Variants in SYNJ2BP observed in about 807,000 individuals in gnomAD.
SYNJ2BP encodes the protein synaptojanin-2-binding protein.
SYNJ2BP carries 10 observed loss-of-function variants against 16.9 expected under a neutral mutation model. The observed-to-expected ratio is 0.59, with a 90% confidence interval of 0.36 to 1.00. The LOEUF is 1.00. Ranked by LOEUF, SYNJ2BP falls within the 50% of genes least tolerant of loss-of-function variation. The probability of loss-of-function intolerance (pLI) is 0.01; values close to 1 mark genes in which losing one functional copy is unlikely to be tolerated. For missense variants in SYNJ2BP, 162 were observed against 186.7 expected (o/e 0.87, Z 0.77); for synonymous variants, 54 against 68.4 (o/e 0.79, Z 1.04).
At chr14:70,416,189 G>A (rs1196846872) in intron 1 of SYNJ2BP, among the ~76,000 whole-genome samples, 1 of 152,122 alleles carries the variant, frequency 6.6e-6, no homozygotes, top group Non-Finnish European at 1.5e-5. Context: ...CACAGTGGGG[G>A]AAGAGGATAG....
Position 70,413,069 on chromosome 14 carries a change from C to T in SYNJ2BP, c.64+3831G>A, listed in dbSNP as rs149957803. ...AGGTAAACTGTTCAACCCTTGAAGACATTTGAGATTGTAGCCACTGCCTTT... is the reference window on the plus strand; with the variant it reads ...AGGTAAACTGTTCAACCCTTGAAGATATTTGAGATTGTAGCCACTGCCTTT... On this transcript the variant is annotated intron_variant, in intron 1 of 3. Transcript: ENST00000256366. Among the ~76,000 whole-genome samples the T allele has an allele frequency of 8.1e-4, 124 of 152,304 alleles. 1 individual carries two copies. Among genetic ancestry groups the T allele is most frequent in the African/African-American group, 2.9e-3 (120 of 41,576 alleles).
Position 70,372,849 on chromosome 14 carries a change from A to T in SYNJ2BP, c.*142T>A. On this transcript the variant is annotated 3_prime_UTR_variant, in exon 4 of 4. Coordinates refer to ENST00000256366, the MANE Select transcript of SYNJ2BP (RefSeq NM_018373.3). ...CCCATTAGAATATGAAGAATTGGAGACTGTGAACAGCAAGGTTTGGGGTGG... is the reference window on the plus strand; with the variant it reads ...CCCATTAGAATATGAAGAATTGGAGTCTGTGAACAGCAAGGTTTGGGGTGG... 3 of 1,217,912 alleles carry T rather than the reference A, an allele frequency of 2.5e-6. No individual in the cohort carries two copies. The South Asian group carries it at 4.4e-5, about 18-fold the overall frequency. The allele number at this position is 1,217,912 out of a possible 1,614,324, so 75.4% of individuals were successfully genotyped here.
chr14:70,383,227 C>T (rs1188999689), intron 2 of SYNJ2BP, among the ~76,000 whole-genome samples: 1 of 152,172 alleles, frequency 6.6e-6, no homozygotes, highest in Non-Finnish European at 1.5e-5. Flanking sequence ...GGCAAAGATC[C>T]TTCCCTGGAG....
At chr14:70,411,771 G>C (rs1005352527) in intron 1 of SYNJ2BP, among the ~76,000 whole-genome samples, 2 of 152,082 alleles carry the variant, frequency 1.3e-5, no homozygotes, top group Admixed American at 6.5e-5. Context: ...CCCAACACAG[G>C]GTCAGATTAC....
Position 70,370,663 on chromosome 14 carries a change from T to C in SYNJ2BP, c.*2328A>G, listed in dbSNP as rs1887499942. 6.6e-6 allele frequency: 1 copy of C among 152,196 alleles called. No homozygotes were observed. Among genetic ancestry groups the C allele is most frequent in the Non-Finnish European group, 1.5e-5 (1 of 68,034 alleles). 9.4% of individuals were successfully genotyped at this position (152,196 alleles called of 1,614,324 possible). A position where few individuals can be genotyped will look rare whatever the true frequency, so the allele number is the denominator to read the frequency against. On this transcript the variant is annotated 3_prime_UTR_variant, in exon 4 of 4. Coordinates refer to ENST00000256366, the MANE Select transcript of SYNJ2BP (RefSeq NM_018373.3). ...AAAGAAAATGTGATGATTACCTGCA[T>C]ATCTTCTTTGTTGCTGCATCGTGTT...
chr14:70,399,588 G>A (rs762834227), intron 1 of SYNJ2BP, among the ~76,000 whole-genome samples: 1 of 150,752 alleles, frequency 6.6e-6, no homozygotes, highest in Non-Finnish European at 1.5e-5. Flanking sequence ...CACTGCCATT[G>A]CTGCTCCCGC....
chr14:70,381,391 C>CT (rs1485712318), intron 2 of SYNJ2BP, among the ~76,000 whole-genome samples: 1 of 152,212 alleles, frequency 6.6e-6, no homozygotes, highest in Non-Finnish European at 1.5e-5. Flanking sequence ...ATAATTCTTT[C>CT]TTAAAGAACC....
intron 2 of SYNJ2BP, among the ~76,000 whole-genome samples, chr14:70,386,023 C>T (rs1250230311): frequency 4.6e-5 from 7 of 152,284 alleles, no homozygotes; most frequent in African/African-American, 1.4e-4. Context: ...CAATAATCTA[C>T]GTTTAACCAA....
At chr14:70,400,034 A>G (rs138803461) in intron 1 of SYNJ2BP, among the ~76,000 whole-genome samples, 2 of 152,366 alleles carry the variant, frequency 1.3e-5, no homozygotes, top group East Asian at 3.9e-4. Flanking sequence ...TCTGAAATAC[A>G]AAACAAATGA....
chr14:70,389,927 G>C (rs1334736475), intron 1 of SYNJ2BP, among the ~76,000 whole-genome samples: 1 of 152,178 alleles, frequency 6.6e-6, no homozygotes, highest in African/African-American at 2.4e-5. Context: ...TTTTAGTTAT[G>C]CAAGATGAAT....
rs78747844 is a variant in SYNJ2BP at position 70,389,668 on chromosome 14, A to G, written c.65-1062T>C. 9.8e-4 allele frequency among the ~76,000 whole-genome samples: 150 copies of G among 152,358 alleles called. 1 individual carries two copies. Among genetic ancestry groups the G allele is most frequent in the South Asian group, 8.5e-3 (41 of 4,828 alleles). ...AAAATCTGAAATCTGCAATGCTTCA[A>G]TGAGCATTTCCTTTGAACGTCATGT... On this transcript the variant is annotated intron_variant, in intron 1 of 3. Coordinates refer to ENST00000256366, the MANE Select transcript of SYNJ2BP (RefSeq NM_018373.3).
chr14:70,394,996 T>G (rs955621272), intron 1 of SYNJ2BP, among the ~76,000 whole-genome samples: 9 of 152,218 alleles, frequency 5.9e-5, no homozygotes, highest in Admixed American at 5.9e-4. Flanking sequence ...AATACATCTT[T>G]GCAGAAAATA....
At chr14:70,414,003 T>C (rs1888547686) in intron 1 of SYNJ2BP, among the ~76,000 whole-genome samples, 1 of 152,222 alleles carries the variant, frequency 6.6e-6, no homozygotes, top group African/African-American at 2.4e-5. Context: ...AAGATCCTTA[T>C]GGGACCATCA....
intron 1 of SYNJ2BP, among the ~76,000 whole-genome samples, chr14:70,395,231 A>T (rs1302021123): frequency 6.6e-6 from 1 of 152,258 alleles, no homozygotes; most frequent in African/African-American, 2.4e-5. Context: ...CCTTCATTTC[A>T]TTCAGATTCT....
intron 1 of SYNJ2BP, among the ~76,000 whole-genome samples, chr14:70,408,136 T>G (rs1888388499): frequency 6.6e-6 from 1 of 151,676 alleles, no homozygotes; most frequent in African/African-American, 2.4e-5. Context: ...GGAAGGACTA[T>G]TGCAGTAATA....
At chr14:70,391,596 C>A (rs551300973) in intron 1 of SYNJ2BP, among the ~76,000 whole-genome samples, 3 of 152,336 alleles carry the variant, frequency 2.0e-5, no homozygotes, top group Admixed American at 6.5e-5. Context: ...TGAAATCCAA[C>A]ACCCTCATCA....
intron 2 of SYNJ2BP, among the ~76,000 whole-genome samples, chr14:70,380,058 T>C (rs1169219179): frequency 3.2e-4 from 48 of 152,224 alleles, no homozygotes. Flanking sequence ...ATCTTACATG[T>C]ATTAACTCAT....
chr14:70,379,835 A>G (rs1456859862), intron 2 of SYNJ2BP, among the ~76,000 whole-genome samples: 8 of 152,232 alleles, frequency 5.3e-5, no homozygotes, highest in Admixed American at 5.2e-4. Context: ...GAGGCAGACA[A>G]GTAAGTTAAT....
intron 1 of SYNJ2BP, among the ~76,000 whole-genome samples, chr14:70,409,214 T>C (rs1888416712): frequency 1.3e-5 from 2 of 152,194 alleles, no homozygotes; most frequent in Non-Finnish European, 2.9e-5. Flanking sequence ...AATGCCTGGC[T>C]TGAACTGCAA....
Sources: gnomAD v4.1 joint callset for allele counts (sites outside exome capture counted in the v4.1 genomes callset) on GRCh38, gnomAD v4.1.1 for gene constraint, MANE v1.5 for transcripts, NCBI Gene and HGNC (gene_info 2026-07-23, HGNC 2026-07-21) for gene names.